Variants in NCOA1 observed in about 807,000 individuals in gnomAD.
NCOA1 encodes the protein nuclear receptor coactivator 1, also known as Hin-2 protein.
A neutral mutation model predicts 150.9 loss-of-function variants in NCOA1; 35 were observed. That is an observed-to-expected ratio of 0.23 (90% CI 0.18 to 0.31). NCOA1 has a LOEUF of 0.31. NCOA1 is among the 10% of genes least tolerant of loss of function. The pLI is 1.00. For synonymous variants in NCOA1, 590 were observed against 630.0 expected (o/e 0.94, Z 0.95); for missense variants, 1,491 against 1,749.3 (o/e 0.85, Z 2.63).
chr2:24,634,708 A>ACCCCCCCCCCCCCCCCCCCC (rs530645429), intron 3 of NCOA1, among the ~76,000 whole-genome samples: 3 of 39,716 alleles, frequency 7.6e-5, no homozygotes, highest in Admixed American at 3.4e-4. Flanking sequence ...TAGGGGAGGA[A>ACCCCCCCCCCCCCCCCCCCC]CCCCCCCCCC....
At position 24,583,028 on chromosome 2, in the gene NCOA1, T is replaced by C. The variant is rs1172706180; in HGVS notation, c.-259-1448T>C. Among the ~76,000 whole-genome samples, 5 of 152,222 alleles carry C rather than the reference T, an allele frequency of 3.3e-5. No individual in the cohort carries two copies. In the East Asian group the frequency reaches 9.6e-4, roughly 29 times the overall value. ...GGGCAAAGATTTCCTGGCTAAGACT[T>C]CAAATGCACAGGTGCAACAAAAGCA... is the stretch of plus-strand genomic sequence containing the variant. On this transcript the variant is annotated intron_variant, in intron 2 of 22. Coordinates refer to ENST00000348332, the MANE Select transcript of NCOA1 (RefSeq NM_003743.5).
chr2:24,707,572 A>G lies in NCOA1; in HGVS notation c.2102A>G (p.Asp701Gly), dbSNP rs763191705. The G allele has an allele frequency of 2.5e-6, 4 of 1,614,196 alleles. No homozygotes were observed. The highest frequency in any genetic ancestry group is 1.7e-6 in the Non-Finnish European group (2 of 1,180,030). Residue 701 changes from aspartate to glycine, a missense_variant, in exon 13 of 23, where the codon GAT becomes GGT. Coordinates refer to ENST00000348332, the MANE Select transcript of NCOA1 (RefSeq NM_003743.5). ...CTCTTACAGGAGGGTAGCCCCTCAGATATCACCACTTTGTCTGTCGAGCCT... is the reference window on the plus strand; with the variant it reads ...CTCTTACAGGAGGGTAGCCCCTCAGGTATCACCACTTTGTCTGTCGAGCCT... Reference protein sequence around the residue: ...HRLLQEGSPSDITTLSVEPDK... With the variant: ...HRLLQEGSPSGITTLSVEPDK...
intron 4 of NCOA1, among the ~76,000 whole-genome samples, chr2:24,647,288 G>A (rs1184137993): frequency 6.6e-6 from 1 of 152,142 alleles, no homozygotes; most frequent in Non-Finnish European, 1.5e-5. Context: ...AACTTAAAGC[G>A]TATGCAAATT....
intron 3 of NCOA1, among the ~76,000 whole-genome samples, chr2:24,595,186 C>T (rs1572464672): frequency 6.6e-6 from 1 of 152,068 alleles, no homozygotes; most frequent in East Asian, 1.9e-4. Context: ...GTAAAATCAC[C>T]TCTTCATCTT....
At chr2:24,736,088 G>A (rs1421155629) in intron 17 of NCOA1, among the ~76,000 whole-genome samples, 2 of 152,012 alleles carry the variant, frequency 1.3e-5, no homozygotes, top group East Asian at 3.9e-4. Flanking sequence ...AGGCATGGTG[G>A]CACATGCCTG....
chr2:24,717,316 A>G (rs1674097696), intron 14 of NCOA1, among the ~76,000 whole-genome samples: 1 of 152,240 alleles, frequency 6.6e-6, no homozygotes, highest in South Asian at 2.1e-4. Flanking sequence ...TGTTTATGGC[A>G]GCTTTATCCA....
At chr2:24,736,777 C>T (rs1227311449) in intron 17 of NCOA1, among the ~76,000 whole-genome samples, 2 of 152,066 alleles carry the variant, frequency 1.3e-5, no homozygotes, top group African/African-American at 4.8e-5. Flanking sequence ...TGGCCTCTGC[C>T]CACGAGACGT....
At chr2:24,618,745 G>GTT (rs60329176) in intron 3 of NCOA1, among the ~76,000 whole-genome samples, 4 of 148,828 alleles carry the variant, frequency 2.7e-5, no homozygotes, top group African/African-American at 4.9e-5. Flanking sequence ...CAGTTCATTG[G>GTT]TTTTTTTTTT....
chr2:24,768,493 T>C lies in NCOA1; in HGVS notation c.*102T>C. On this transcript the variant is annotated 3_prime_UTR_variant, in exon 23 of 23. Transcript: ENST00000348332. ...TTTTGATATCTCAATCTGCAGCCAT[T>C]CTTCAGGTCGTAGCATTTGGAGCAA... is the stretch of plus-strand genomic sequence containing the variant. The C allele has an allele frequency of 2.1e-6, 1 of 485,032 alleles. No homozygotes were observed. Among genetic ancestry groups the C allele is most frequent in the Non-Finnish European group, 3.1e-6 (1 of 325,664 alleles). The allele number at this position is 485,032 out of a possible 1,614,324, so 30.0% of individuals were successfully genotyped here.
rs778403835 is a variant in NCOA1, at chr2:24,741,978, A to G, written c.3498A>G (p.Gln1166=). ...NPRLPQGAPQ[Q]FPYPPNYGTN... ...GTCTTCCTCAGGGTGCTCCACAGCA[A>G]TTCCCCTATCCACCAAACTATGGTA... Residue 1166 remains glutamine (Q), a synonymous_variant, in exon 19 of 23, where the codon CAA becomes CAG. Transcript: ENST00000348332. The G allele has an allele frequency of 3.1e-6, 5 of 1,614,224 alleles. No homozygotes were observed. The highest frequency in any genetic ancestry group is 2.2e-5 in the East Asian group (1 of 44,884).
chr2:24,516,689 T>TG (rs909825234), intron 1 of NCOA1, among the ~76,000 whole-genome samples: 9 of 151,654 alleles, frequency 5.9e-5, no homozygotes, highest in Non-Finnish European at 1.3e-4. Context: ...GTCTGATACC[T>TG]GACCCTTTTC....
chr2:24,647,580 AAAATGG>A (rs1397217990), intron 4 of NCOA1, among the ~76,000 whole-genome samples: 1 of 152,202 alleles, frequency 6.6e-6, no homozygotes, highest in Non-Finnish European at 1.5e-5. Context: ...TAAAACTGTC[AAAATGG>A]AAATAATAAT....
chr2:24,494,070 A>G (rs1187505667), intron 1 of NCOA1, among the ~76,000 whole-genome samples: 2 of 152,206 alleles, frequency 1.3e-5, no homozygotes, highest in Non-Finnish European at 2.9e-5. Context: ...TGTTCTCAGA[A>G]TGGAATGTTC....
At chr2:24,665,149 T>C (rs1028918537) in intron 5 of NCOA1, among the ~76,000 whole-genome samples, 3 of 151,902 alleles carry the variant, frequency 2.0e-5, no homozygotes, top group African/African-American at 7.3e-5. Flanking sequence ...CATTTTTTTT[T>C]CTGTCTTTTT....
At chr2:24,512,075 CTT>C (rs1404102788) in intron 1 of NCOA1, among the ~76,000 whole-genome samples, 1 of 152,188 alleles carries the variant, frequency 6.6e-6, no homozygotes, top group Non-Finnish European at 1.5e-5. Flanking sequence ...ACTGTACTAA[CTT>C]TTGCACTTAT....
intron 19 of NCOA1, among the ~76,000 whole-genome samples, chr2:24,745,759 C>T (rs1663885831): frequency 6.6e-6 from 1 of 152,198 alleles, no homozygotes; most frequent in Non-Finnish European, 1.5e-5. Context: ...CCAAACTTAA[C>T]TTGTACAAAC....
intron 2 of NCOA1, among the ~76,000 whole-genome samples, chr2:24,571,266 GA>G (rs1284410998): frequency 6.6e-6 from 1 of 152,032 alleles, no homozygotes; most frequent in African/African-American, 2.4e-5. Context: ...AAACTTTTTG[GA>G]AAAATTCCAT....
At chr2:24,534,083 T>C (rs1295644296) in intron 1 of NCOA1, among the ~76,000 whole-genome samples, 1 of 116,266 alleles carries the variant, frequency 8.6e-6, no homozygotes, top group African/African-American at 2.6e-5. Flanking sequence ...GGACTTTTTT[T>C]TGGTTGGTAG....
chr2:24,520,220 CAT>C (rs1378337017), intron 1 of NCOA1, among the ~76,000 whole-genome samples: 2 of 152,112 alleles, frequency 1.3e-5, no homozygotes, highest in Non-Finnish European at 2.9e-5. Flanking sequence ...ATATACTTAA[CAT>C]GTGACCCAGC....
Sources: allele counts gnomAD v4.1 joint callset (sites outside exome capture counted in the v4.1 genomes callset), GRCh38; gene constraint gnomAD v4.1.1; transcripts MANE v1.5; gene names NCBI Gene and HGNC (gene_info 2026-07-23, HGNC 2026-07-21).